DIMT1: variants seen among roughly 807,000 people sequenced by gnomAD.
The protein encoded by DIMT1 is DIM1 rRNA methyltransferase and ribosome maturation factor, also known as dimethyladenosine transferase.
Under a neutral mutation model 43.2 loss-of-function variants are expected in DIMT1, and 36 were observed. The observed-to-expected ratio is 0.83, with a 90% CI of 0.64 to 1.10. The LOEUF (loss-of-function observed/expected upper bound fraction) is 1.10. Among genes scored for constraint, DIMT1 ranks in the 50% least tolerant of loss-of-function variants. The pLI is 0.00. For missense variants in DIMT1, 341 were observed against 385.3 expected (o/e 0.88, Z 0.96); for synonymous variants, 126 against 130.3 (o/e 0.97, Z 0.22).
intron 6 of DIMT1, among the ~76,000 whole-genome samples, chr5:62,398,275 C>T (rs753573220): frequency 1.4e-4 from 22 of 152,128 alleles, no homozygotes; most frequent in Non-Finnish European, 2.2e-4. Context: ...CTAGACTTAA[C>T]GGCAGGAAGA....
In DIMT1 at chr5:62,403,881, C is replaced by G. The variant is rs1039622469; in HGVS notation, c.-109G>C. ...GCCGCCACGCGCCGCCCGCACCACT[C>G]TGGCCCAAGCGCCGGAGGGGCAAGG... On this transcript the variant is annotated 5_prime_UTR_variant, in exon 1 of 12. Transcript: ENST00000199320. 1.7e-6 allele frequency: 2 copies of G among 1,200,902 alleles called. No individual in the cohort carries two copies. The highest frequency in any genetic ancestry group is 2.6e-5 in the East Asian group (1 of 39,092). The allele number at this position is 1,200,902 out of a possible 1,614,324, so 74.4% of individuals were successfully genotyped here. A position where few individuals can be genotyped will look rare whatever the true frequency, so the allele number is the denominator to read the frequency against.
chr5:62,402,513 G>A (rs1742743343), intron 2 of DIMT1, among the ~76,000 whole-genome samples: 1 of 152,220 alleles, frequency 6.6e-6, no homozygotes, highest in African/African-American at 2.4e-5. Flanking sequence ...CCCATGTATG[G>A]TTTCAAGGAT....
At chr5:62,397,711 C>T (rs531486405) in intron 6 of DIMT1, among the ~76,000 whole-genome samples, 11 of 151,888 alleles carry the variant, frequency 7.2e-5, no homozygotes, top group Non-Finnish European at 1.6e-4. Flanking sequence ...TGCAGTGGCG[C>T]GATCTCGGCT....
intron 2 of DIMT1, 42 bp downstream of exon 2, chr5:62,403,231 T>C (rs781342873): frequency 6.4e-7 from 1 of 1,571,766 alleles, no homozygotes; most frequent in Non-Finnish European, 8.8e-7. Context: ...GGAATAAAAT[T>C]AATAAACCAA....
intron 7 of DIMT1, 82 bp from the exon 8 acceptor site, chr5:62,394,129 A>AC (rs1223325719): frequency 1.6e-6 from 2 of 1,246,840 alleles, no homozygotes; most frequent in Admixed American, 4.3e-5. Flanking sequence ...CACAGAAGGC[A>AC]CAACTGGATG....
intron 3 of DIMT1, 22 bp from the exon 4 acceptor site, chr5:62,398,903 T>G: frequency 6.5e-7 from 1 of 1,543,244 alleles, no homozygotes; most frequent in Non-Finnish European, 8.8e-7. Context: ...AAAATAAAAA[T>G]TATTTAGGTT....
intron 8 of DIMT1, 39 bp from the exon 9 acceptor site, chr5:62,393,029 T>A: frequency 7.0e-7 from 1 of 1,436,950 alleles, no homozygotes; most frequent in Non-Finnish European, 9.8e-7. Context: ...AATTACAAAC[T>A]TCTTGTTCTT....
intron 9 of DIMT1, 82 bp downstream of exon 9, chr5:62,392,844 G>A: frequency 9.2e-6 from 8 of 865,278 alleles, no homozygotes; most frequent in Non-Finnish European, 1.5e-5. Flanking sequence ...CTTTAGGGTA[G>A]CTGCTCAGGA....
chr5:62,395,300 C>T (rs1316408467), intron 6 of DIMT1, among the ~76,000 whole-genome samples: 1 of 152,154 alleles, frequency 6.6e-6, no homozygotes, highest in African/African-American at 2.4e-5. Flanking sequence ...GCTGGGATTA[C>T]AGGCATGAGT....
chr5:62,403,412 A>C, intron 1 of DIMT1, 66 bp from the exon 2 acceptor site: 1 of 1,470,848 alleles, frequency 6.8e-7, no homozygotes, highest in Non-Finnish European at 9.5e-7. Flanking sequence ...GTACCAGAGA[A>C]GAAAGCTGCA....
rs769337381 is a variant in DIMT1 at position 62,403,299 on chromosome 5, G to A, written c.127C>T (p.Leu43Phe). 6.2e-7 allele frequency: 1 copy of A among 1,613,948 alleles called. No individual in the cohort carries two copies. Among genetic ancestry groups the A allele is most frequent in the Admixed American group, 1.7e-5 (1 of 60,022 alleles). Residue 43 changes from leucine to phenylalanine, a missense_variant, in exon 2 of 12, where the codon CTC (leucine) becomes TTC (phenylalanine). By Grantham distance (22) the Leu-to-Phe change is conservative. Coordinates refer to ENST00000199320, the MANE Select transcript of DIMT1 (RefSeq NM_014473.4). ...GIGQHILKNP[L>F]IINSIIDKAA... is the part of the protein sequence containing the mutation. ...TTATCGATAATGCTGTTAATAATGA[G>A]AGGATTTTTCAAAATGTGCTGCCCA...
rs1366185998 is a variant in DIMT1, at chr5:62,403,695, T to G, written c.78A>C (p.Gly26=). 3.1e-6 allele frequency: 5 copies of G among 1,607,912 alleles called. No individual in the cohort carries two copies. Among genetic ancestry groups the G allele is most frequent in the Non-Finnish European group, 4.2e-6 (5 of 1,177,948 alleles). The change falls in exon 1 of 12, where the codon GGA becomes GGC. Residue 26 remains glycine, a splice_region_variant and synonymous_variant. Coordinates refer to ENST00000199320, the MANE Select transcript of DIMT1 (RefSeq NM_014473.4). ...CAGCTTCCTCGCGGGGATCCGCACC[T>G]CCAGCGCTCTTCAGCTCCCGGCGCT... ...QEQRRELKSA[G]GLMFNTGIGQ... is the part of the protein sequence containing the mutation.
At chr5:62,397,684 A>G (rs1371359929) in intron 6 of DIMT1, among the ~76,000 whole-genome samples, 1 of 151,250 alleles carries the variant, frequency 6.6e-6, no homozygotes, top group Non-Finnish European at 1.5e-5. Flanking sequence ...AGTCTCGCTC[A>G]GTCGCCAAGG....
chr5:62,398,732 C>T lies in DIMT1; in HGVS notation c.310G>A (p.Ala104Thr), dbSNP rs138862531. 9.9e-6 allele frequency: 16 copies of T among 1,614,028 alleles called. No individual in the cohort carries two copies. The African/African-American group carries it at 1.7e-4, about 18-fold the overall frequency. ...LHKRVQGTPVASKLQVLVGDV... is the reference protein window; with the variant it reads ...LHKRVQGTPVTSKLQVLVGDV... ...CCCACCAGTACTTGAAGTTTGCTGG[C>T]CACAGGCCTGATGAGAAAAGAAGAA... The change falls in exon 5 of 12, where the codon GCC becomes ACC. Residue 104 changes from alanine to threonine, a missense_variant. By Grantham distance (58) the Ala-to-Thr change is moderately conservative (BLOSUM62 0). Coordinates refer to ENST00000199320, the MANE Select transcript of DIMT1 (RefSeq NM_014473.4).
Position 62,402,098 on chromosome 5 carries a change from C to T in DIMT1, c.178G>A (p.Val60Met), listed in dbSNP as rs747278118. The change falls in exon 3 of 12, where the codon GTG (valine) becomes ATG (methionine). Residue 60 changes from valine (V) to methionine (M), a missense_variant. By Grantham distance (21) the Val-to-Met change is conservative. Coordinates refer to ENST00000199320, the MANE Select transcript of DIMT1 (RefSeq NM_014473.4). ...DKAALRPTDV[V>M]LEVGPGTGNM... Reference sequence around the variant, plus strand: ...CCAGTTCCAGGTCCAACTTCCAGCACTACATCAGTTGGTCTTAAGGCAGCC... The same window carrying T: ...CCAGTTCCAGGTCCAACTTCCAGCATTACATCAGTTGGTCTTAAGGCAGCC... 10 of 1,614,022 alleles carry T rather than the reference C, an allele frequency of 6.2e-6. No homozygotes were observed. Among genetic ancestry groups the T allele is most frequent in the Middle Eastern group, 3.3e-4 (2 of 6,060 alleles).
In DIMT1 at chr5:62,403,793, C is replaced by T. The variant is rs1164550263; in HGVS notation, c.-21G>A. ...GGCATCTCGGCAGAAAGCGGGCCCA[C>T]AGGCCCGGGACGTCAAGGAGGACCA... is the stretch of plus-strand genomic sequence containing the variant. On this transcript the variant is annotated 5_prime_UTR_variant, in exon 1 of 12. In the 5' UTR this introduces an upstream ATG that the reference lacks. Coordinates refer to ENST00000199320, the MANE Select transcript of DIMT1 (RefSeq NM_014473.4). The T allele has an allele frequency of 1.6e-5, 25 of 1,608,156 alleles. No individual in the cohort carries two copies. Among genetic ancestry groups the T allele is most frequent in the Non-Finnish European group, 2.0e-5 (24 of 1,177,856 alleles).
chr5:62,403,636 T>G, intron 1 of DIMT1, 58 bp downstream of exon 1: 1 of 1,550,278 alleles, frequency 6.5e-7, no homozygotes, highest in Admixed American at 1.9e-5. Flanking sequence ...CACCCCAGGC[T>G]AGGTCCTGCC....
chr5:62,398,941 T>A, intron 3 of DIMT1, 60 bp from the exon 4 acceptor site: 1 of 1,286,802 alleles, frequency 7.8e-7, no homozygotes, highest in Non-Finnish European at 1.1e-6. Flanking sequence ...CTTTTATTGT[T>A]ATCCCAACAG....
chr5:62,388,407 T>C lies in DIMT1; in HGVS notation c.*603A>G, dbSNP rs1309934412. 6.6e-6 allele frequency: 1 copy of C among 152,350 alleles called. No homozygotes were observed. The highest frequency in any genetic ancestry group is 1.9e-4 in the East Asian group (1 of 5,200). 9.4% of individuals were successfully genotyped at this position (152,350 alleles called of 1,614,324 possible). ...GCACTGCACGGTGGCAGTAGCAGAC[T>C]TGGGCTTACCCAGAACCCTAAGTCT... On this transcript the variant is annotated 3_prime_UTR_variant, in exon 12 of 12. Transcript: ENST00000199320.
Sources: allele counts gnomAD v4.1 joint callset (sites outside exome capture counted in the v4.1 genomes callset), GRCh38; gene constraint gnomAD v4.1.1; transcripts MANE v1.5; gene names NCBI Gene and HGNC (gene_info 2026-07-23, HGNC 2026-07-21).